The following CHCHD3 variants were observed in gnomAD, a reference collection of about 807,000 sequenced individuals.
CHCHD3 encodes the protein MICOS complex subunit MIC19.
CHCHD3 carries 20 observed loss-of-function variants against 38.2 expected under a neutral mutation model. The observed-to-expected ratio is 0.52, with a 90% CI of 0.37 to 0.76. The LOEUF is 0.76. Among genes scored for constraint, CHCHD3 ranks in the 30% least tolerant of loss-of-function variants. The probability of loss-of-function intolerance (pLI) is 0.00; values close to 1 mark genes in which losing one functional copy is unlikely to be tolerated. For missense variants in CHCHD3, 245 were observed against 279.2 expected, an observed-to-expected ratio of 0.88 and a Z score of 0.87; for synonymous variants, 82 against 100.0, an observed-to-expected ratio of 0.82 and a Z score of 1.07.
rs548603129 is a variant in CHCHD3, at chr7:133,036,652, C to A, written c.170-12025G>T. Reference sequence around the variant, plus strand: ...AGACCTGTGTTCTCCTGACTACCCTCTGTGACTTTATTTCTAATCTACAAA... The same window carrying A: ...AGACCTGTGTTCTCCTGACTACCCTATGTGACTTTATTTCTAATCTACAAA... On this transcript the variant is annotated intron_variant, in intron 2 of 7. Coordinates refer to ENST00000262570, the MANE Select transcript of CHCHD3 (RefSeq NM_017812.4). 2.0e-5 allele frequency among the ~76,000 whole-genome samples: 3 copies of A among 152,314 alleles called. No homozygotes were observed. In the South Asian group the frequency reaches 6.2e-4, roughly 32 times the overall value.
At chr7:133,076,809 G>C (rs1156571336) in intron 1 of CHCHD3, among the ~76,000 whole-genome samples, 1 of 152,204 alleles carries the variant, frequency 6.6e-6, no homozygotes, top group Admixed American at 6.5e-5. Flanking sequence ...GCCCTTCTAA[G>C]AGGTAAAGTT....
At chr7:133,048,029 C>G (rs1000545003) in intron 2 of CHCHD3, among the ~76,000 whole-genome samples, 2 of 151,880 alleles carry the variant, frequency 1.3e-5, no homozygotes, top group African/African-American at 4.8e-5. Flanking sequence ...GTGGAGGGTG[C>G]GTGAGCTGAG....
At chr7:132,809,262 C>T (rs1736753761) in intron 6 of CHCHD3, among the ~76,000 whole-genome samples, 1 of 151,948 alleles carries the variant, frequency 6.6e-6, no homozygotes, top group African/African-American at 2.4e-5. Flanking sequence ...CCGGCTAATT[C>T]TTTATTTTCA....
intron 5 of CHCHD3, among the ~76,000 whole-genome samples, chr7:132,881,494 G>A (rs747455002): frequency 5.9e-5 from 9 of 152,042 alleles, no homozygotes; most frequent in Non-Finnish European, 8.8e-5. Flanking sequence ...TAGTTGATGC[G>A]CAGATGGTAA....
chr7:132,919,353 C>G (rs1229916332), intron 4 of CHCHD3, among the ~76,000 whole-genome samples: 1 of 151,850 alleles, frequency 6.6e-6, no homozygotes, highest in Admixed American at 6.6e-5. Context: ...CCTCGTGATC[C>G]GCCCGCCTCG....
chr7:133,035,949 A>C lies in CHCHD3; in HGVS notation c.170-11322T>G. 2 of 1,479,636 alleles carry C rather than the reference A, an allele frequency of 1.4e-6. No individual in the cohort carries two copies. The highest frequency in any genetic ancestry group is 1.9e-6 in the Non-Finnish European group (2 of 1,070,412). 91.7% of individuals were successfully genotyped at this position (1,479,636 alleles called of 1,614,324 possible). On this transcript the variant is annotated intron_variant, in intron 2 of 7. Coordinates refer to ENST00000262570, the MANE Select transcript of CHCHD3 (RefSeq NM_017812.4). This position sits in a 1 kb window ranked among gnomAD's most constrained non-coding sequence, Gnocchi z 4.7. ...GATTCCGCAAAGAAAGGCTGGATCC[A>C]GTCTTAAAAGTGTTATCAGGTAGGG...
intron 5 of CHCHD3, among the ~76,000 whole-genome samples, chr7:132,863,828 C>T (rs1204479719): frequency 2.0e-5 from 3 of 152,160 alleles, no homozygotes; most frequent in Admixed American, 2.0e-4. Context: ...TCATGATCAA[C>T]CTGTGATAGC....
At chr7:132,807,493 T>C (rs983127104) in intron 6 of CHCHD3, among the ~76,000 whole-genome samples, 1 of 151,594 alleles carries the variant, frequency 6.6e-6, no homozygotes, top group Non-Finnish European at 1.5e-5. Flanking sequence ...TAATGGAAAA[T>C]GGAATAAGAG....
At chr7:132,840,472 G>A (rs1388858382) in intron 5 of CHCHD3, among the ~76,000 whole-genome samples, 1 of 152,184 alleles carries the variant, frequency 6.6e-6, no homozygotes, top group Non-Finnish European at 1.5e-5. Flanking sequence ...AGAGAGACAG[G>A]ACTAAGCTGA....
At chr7:133,030,092 A>G (rs1427615440) in intron 2 of CHCHD3, among the ~76,000 whole-genome samples, 3 of 152,216 alleles carry the variant, frequency 2.0e-5, no homozygotes, top group African/African-American at 4.8e-5. Context: ...ACAAATGAGA[A>G]GTTAAAATAA....
At chr7:132,820,583 A>AT (rs1807337131) in intron 6 of CHCHD3, among the ~76,000 whole-genome samples, 1 of 144,454 alleles carries the variant, frequency 6.9e-6, no homozygotes, top group Non-Finnish European at 1.5e-5. Flanking sequence ...ACACACATGT[A>AT]TGCACAAACA....
At chr7:132,835,128 C>G (rs1032715026) in intron 6 of CHCHD3, among the ~76,000 whole-genome samples, 1 of 150,934 alleles carries the variant, frequency 6.6e-6, no homozygotes, top group Non-Finnish European at 1.5e-5. Context: ...GCATGCGCCA[C>G]CACACCTGGT....
At chr7:132,926,137 G>A (rs184865658) in intron 4 of CHCHD3, among the ~76,000 whole-genome samples, 149 of 152,310 alleles carry the variant, frequency 9.8e-4, no homozygotes, top group Non-Finnish European at 1.6e-3. Flanking sequence ...GAGGCAATGT[G>A]GAACACAGAG....
chr7:132,964,485 G>C (rs1230132925), intron 4 of CHCHD3, among the ~76,000 whole-genome samples: 2 of 152,172 alleles, frequency 1.3e-5, no homozygotes, highest in Non-Finnish European at 2.9e-5. Flanking sequence ...GGAGGCTGAG[G>C]CAGGAGAATC....
intron 6 of CHCHD3, among the ~76,000 whole-genome samples, chr7:132,812,558 C>T (rs1807100304): frequency 6.6e-6 from 1 of 152,112 alleles, no homozygotes; most frequent in African/African-American, 2.4e-5. Context: ...GTCTGAACCA[C>T]CATAACCACT....
chr7:132,927,067 G>A (rs1009948882), intron 4 of CHCHD3, among the ~76,000 whole-genome samples: 1 of 152,136 alleles, frequency 6.6e-6, no homozygotes, highest in African/African-American at 2.4e-5. Flanking sequence ...GGGAGCACAG[G>A]CTATTGCAAT....
At chr7:132,950,668 A>C (rs1811016642) in intron 4 of CHCHD3, among the ~76,000 whole-genome samples, 1 of 152,180 alleles carries the variant, frequency 6.6e-6, no homozygotes. Context: ...TTTTTAAAGA[A>C]GGTTTTTTTT....
intron 3 of CHCHD3, among the ~76,000 whole-genome samples, chr7:132,986,033 G>C (rs1055815854): frequency 6.6e-6 from 1 of 150,868 alleles, no homozygotes; most frequent in South Asian, 2.1e-4. Flanking sequence ...GTAGACATGG[G>C]AGACTTTTCA....
chr7:132,794,558 C>T (rs1806554676), intron 7 of CHCHD3, among the ~76,000 whole-genome samples: 1 of 152,176 alleles, frequency 6.6e-6, no homozygotes, highest in Non-Finnish European at 1.5e-5. Context: ...GGTTTGAGGG[C>T]TTCTATCTTT....
Sources: allele counts gnomAD v4.1 joint callset (sites outside exome capture counted in the v4.1 genomes callset), GRCh38; gene constraint gnomAD v4.1.1; non-coding constraint Gnocchi (gnomAD v3.1); transcripts MANE v1.5; gene names NCBI Gene and HGNC (gene_info 2026-07-23, HGNC 2026-07-21).